Variants in THSD7A observed in about 807,000 individuals in gnomAD.
THSD7A encodes the protein thrombospondin type-1 domain-containing protein 7A.
Under a neutral mutation model 231.3 loss-of-function variants are expected in THSD7A, and 96 were observed. The observed-to-expected ratio is 0.41, with a 90% CI of 0.35 to 0.49. The LOEUF (loss-of-function observed/expected upper bound fraction) is 0.49, where lower values mean the gene tolerates loss of function less well. THSD7A is among the 20% of genes least tolerant of loss of function. The pLI is 0.05. For missense variants in THSD7A, 2,290 were observed against 2,070.2 expected (o/e 1.11, Z -2.06); for synonymous variants, 940 against 743.3 (o/e 1.26, Z -4.30).
Position 11,538,112 on chromosome 7 carries a change from A to C in THSD7A, c.1822+3307T>G, listed in dbSNP as rs762500926. On this transcript the variant is annotated intron_variant, in intron 6 of 27. Coordinates refer to ENST00000423059, the MANE Select transcript of THSD7A (RefSeq NM_015204.3). ...TTCTTAACAATCTGGGTCAAGGAGGAAAGTGAGTTGCCTATGCCCATGTCA... is the reference window on the plus strand; with the variant it reads ...TTCTTAACAATCTGGGTCAAGGAGGCAAGTGAGTTGCCTATGCCCATGTCA... Among the ~76,000 whole-genome samples, 3 of 152,304 alleles carry C rather than the reference A, an allele frequency of 2.0e-5. No individual in the cohort carries two copies. In the South Asian group the frequency reaches 6.2e-4, roughly 32 times the overall value.
intron 1 of THSD7A, among the ~76,000 whole-genome samples, chr7:11,795,466 G>T (rs935730885): frequency 6.6e-6 from 1 of 151,936 alleles, no homozygotes; most frequent in African/African-American, 2.4e-5. Context: ...ACAAATAACA[G>T]ATGGCCTTTA....
chr7:11,597,256 T>C (rs1233078032), intron 2 of THSD7A, among the ~76,000 whole-genome samples: 1 of 152,210 alleles, frequency 6.6e-6, no homozygotes, highest in Non-Finnish European at 1.5e-5. Flanking sequence ...AGGTGAAGGA[T>C]AAGTTGCTGC....
chr7:11,820,418 C>A (rs899216458), intron 1 of THSD7A: 3 of 1,329,114 alleles, frequency 2.3e-6, no homozygotes, highest in Admixed American at 2.9e-5. Flanking sequence ...TTGTCATGGG[C>A]CCACTTGGGG....
intron 1 of THSD7A, among the ~76,000 whole-genome samples, chr7:11,708,354 G>C (rs1282218731): frequency 6.6e-6 from 1 of 150,640 alleles, no homozygotes; most frequent in Non-Finnish European, 1.5e-5. Flanking sequence ...GTTTGAGAAA[G>C]TTTCCATATG....
chr7:11,740,992 T>C (rs1782094395), intron 1 of THSD7A, among the ~76,000 whole-genome samples: 2 of 151,966 alleles, frequency 1.3e-5, no homozygotes, highest in Admixed American at 1.3e-4. Context: ...TTTTATGTAT[T>C]AAATGGTGAT....
chr7:11,463,983 A>C (rs1224697362), intron 9 of THSD7A, among the ~76,000 whole-genome samples: 6 of 152,206 alleles, frequency 3.9e-5, no homozygotes, highest in African/African-American at 1.4e-4. Context: ...TGCTTTGGTC[A>C]CCAGAATCTC....
chr7:11,389,717 T>G (rs1327089473), intron 23 of THSD7A, among the ~76,000 whole-genome samples: 1 of 152,082 alleles, frequency 6.6e-6, no homozygotes, highest in Non-Finnish European at 1.5e-5. Flanking sequence ...TTCATAGTGT[T>G]GATGGCCTTT....
At chr7:11,789,267 C>G (rs1477867304) in intron 1 of THSD7A, among the ~76,000 whole-genome samples, 1 of 152,014 alleles carries the variant, frequency 6.6e-6, no homozygotes, top group Non-Finnish European at 1.5e-5. Flanking sequence ...GGGCAATCAA[C>G]CTGTCATGTA....
At chr7:11,395,712 G>A (rs997070231) in intron 23 of THSD7A, among the ~76,000 whole-genome samples, 1 of 152,078 alleles carries the variant, frequency 6.6e-6, no homozygotes, top group East Asian at 1.9e-4. Flanking sequence ...ATTTTTAGTA[G>A]AGATGGGGTT....
At chr7:11,495,467 T>G (rs955515269) in intron 6 of THSD7A, among the ~76,000 whole-genome samples, 1 of 152,138 alleles carries the variant, frequency 6.6e-6, no homozygotes, top group Non-Finnish European at 1.5e-5. Context: ...AGGAAATCAT[T>G]ACCACATTCA....
At chr7:11,628,066 A>C (rs1215015216) in intron 2 of THSD7A, among the ~76,000 whole-genome samples, 1 of 152,092 alleles carries the variant, frequency 6.6e-6, no homozygotes, top group East Asian at 1.9e-4. Context: ...TAAAGTTTTA[A>C]TTATTGTGAT....
At chr7:11,498,779 G>A (rs939033446) in intron 6 of THSD7A, among the ~76,000 whole-genome samples, 1 of 152,166 alleles carries the variant, frequency 6.6e-6, no homozygotes, top group Admixed American at 6.5e-5. Context: ...GGGAGAGAGA[G>A]GATGCCATCT....
At chr7:11,760,905 T>C (rs1239982858) in intron 1 of THSD7A, among the ~76,000 whole-genome samples, 1 of 150,152 alleles carries the variant, frequency 6.7e-6, no homozygotes, top group African/African-American at 2.4e-5. Flanking sequence ...CTACTAATGT[T>C]ACATATTTTA....
chr7:11,627,586 T>C (rs934586810), intron 2 of THSD7A, among the ~76,000 whole-genome samples: 2 of 151,990 alleles, frequency 1.3e-5, no homozygotes, highest in Non-Finnish European at 2.9e-5. Context: ...CAGAAGTAAA[T>C]AGAAACAAAT....
At chr7:11,554,318 C>T (rs761778834) in intron 4 of THSD7A, among the ~76,000 whole-genome samples, 8 of 151,966 alleles carry the variant, frequency 5.3e-5, no homozygotes, top group South Asian at 2.1e-4. Context: ...CCATGCTTAA[C>T]GAAGACAGAG....
At chr7:11,471,641 T>C (rs1005288872) in intron 8 of THSD7A, among the ~76,000 whole-genome samples, 7 of 152,184 alleles carry the variant, frequency 4.6e-5, no homozygotes, top group Middle Eastern at 3.4e-3. Flanking sequence ...AAAAATAATC[T>C]TTTTGATTTA....
chr7:11,758,374 G>A (rs62433411), intron 1 of THSD7A, among the ~76,000 whole-genome samples: 1 of 151,948 alleles, frequency 6.6e-6, no homozygotes, highest in Non-Finnish European at 1.5e-5. Flanking sequence ...ATGCATGGCC[G>A]AGCTGATATC....
chr7:11,758,481 T>C (rs149691151), intron 1 of THSD7A, among the ~76,000 whole-genome samples: 153 of 152,178 alleles, frequency 1.0e-3, no homozygotes, highest in African/African-American at 3.5e-3. Context: ...TTTTTGTTCA[T>C]CTTGGCTGGT....
intron 23 of THSD7A, among the ~76,000 whole-genome samples, chr7:11,398,899 A>G (rs1783293636): frequency 6.6e-6 from 1 of 152,212 alleles, no homozygotes; most frequent in South Asian, 2.1e-4. Context: ...GCATGTATCA[A>G]AGGCTCATCT....
Sources: allele counts gnomAD v4.1 joint callset (sites outside exome capture counted in the v4.1 genomes callset), GRCh38; gene constraint gnomAD v4.1.1; transcripts MANE v1.5; gene names NCBI Gene and HGNC (gene_info 2026-07-23, HGNC 2026-07-21).